CR1: variants seen among roughly 807,000 people sequenced by gnomAD.
CR1 encodes the protein complement C3b/C4b receptor 1 (Knops blood group), also known as complement receptor type 1.
Under a neutral mutation model 187.3 loss-of-function variants are expected in CR1, and 116 were observed. That is an observed-to-expected ratio of 0.62 (90% CI 0.53 to 0.72). CR1 has a LOEUF of 0.72. CR1 is among the 30% of genes least tolerant of loss of function. The pLI, the probability that CR1 is intolerant of heterozygous loss-of-function variation, is 0.00. For synonymous variants in CR1, 576 were observed against 747.1 expected, an observed-to-expected ratio of 0.77 and a Z score of 3.73; for missense variants, 1,731 against 2,110.7, an observed-to-expected ratio of 0.82 and a Z score of 3.52.
chr1:207,580,256 A>G lies in CR1; in HGVS notation c.4953A>G (p.Pro1651=). The change falls in exon 30 of 47, where the codon CCA becomes CCG. Residue 1651 remains proline, a synonymous_variant. Coordinates refer to ENST00000367049, the MANE Select transcript of CR1 (RefSeq NM_000651.6). ...PSCSRVCQPP[P]EILHGEHTPS... is the part of the protein sequence containing the mutation. ...TTTCCACAGTGTGTCAGCCGCCTCC[A>G]GAAATCCTGCATGGTGAGCATACCC... 1.9e-6 allele frequency: 3 copies of G among 1,613,820 alleles called. No individual in the cohort carries two copies. The highest frequency in any genetic ancestry group is 2.5e-6 in the Non-Finnish European group (3 of 1,179,788).
At chr1:207,602,060 A>T (rs1034810642) in intron 35 of CR1, among the ~76,000 whole-genome samples, 2 of 152,022 alleles carry the variant, frequency 1.3e-5, no homozygotes, top group Non-Finnish European at 2.9e-5. Flanking sequence ...CTTTATTCTA[A>T]TCATTAGAAT....
At chr1:207,576,602 T>G (rs556007638) in intron 28 of CR1, among the ~76,000 whole-genome samples, 99 of 152,254 alleles carry the variant, frequency 6.5e-4, no homozygotes, top group African/African-American at 2.2e-3. Context: ...CAGATGGCTT[T>G]AGCCCAGGAG....
At chr1:207,638,430 A>G (rs922498691) in intron 46 of CR1, among the ~76,000 whole-genome samples, 10 of 146,328 alleles carry the variant, frequency 6.8e-5, no homozygotes, top group South Asian at 4.3e-4. Flanking sequence ...GCCCTGTAAC[A>G]GCCTTTAGTT....
rs757875786 is a variant in CR1, at chr1:207,506,711, T to G, written c.302-3T>G. The G allele has an allele frequency of 6.2e-7, 1 of 1,613,052 alleles. No individual in the cohort carries two copies. Among genetic ancestry groups the G allele is most frequent in the East Asian group, 2.2e-5 (1 of 44,892 alleles). ...GCTCCAAAATTCTGTTTCTTTCCTG[T>G]AGGTAAATCATGTCGTAATCCTCCA... On this transcript the variant is annotated splice_region_variant and splice_polypyrimidine_tract_variant and intron_variant, in intron 2 of 46. Coordinates refer to ENST00000367049, the MANE Select transcript of CR1 (RefSeq NM_000651.6).
intron 29 of CR1, among the ~76,000 whole-genome samples, chr1:207,579,663 A>G (rs913169664): frequency 6.6e-6 from 1 of 152,096 alleles, no homozygotes; most frequent in Admixed American, 6.5e-5. Flanking sequence ...TTTACATGTA[A>G]CTGAAATGGG....
At chr1:207,637,081 G>C (rs1662838189) in intron 46 of CR1, among the ~76,000 whole-genome samples, 1 of 152,198 alleles carries the variant, frequency 6.6e-6, no homozygotes, top group Admixed American at 6.5e-5. Flanking sequence ...TTCTAATGCA[G>C]TATGAGGCCA....
At chr1:207,593,082 T>TAAAAAAA (rs778842599) in intron 35 of CR1, among the ~76,000 whole-genome samples, 13 of 59,908 alleles carry the variant, frequency 2.2e-4, no homozygotes, top group African/African-American at 1.6e-3. Flanking sequence ...TTCACAGAAT[T>TAAAAAAA]ACAAAAAAAA....
rs1660816717 is a variant in CR1 at position 207,578,059 on chromosome 1, T to C, written c.4792T>C (p.Leu1598=). The C allele has an allele frequency of 6.2e-7, 1 of 1,611,668 alleles. No homozygotes were observed. Among genetic ancestry groups the C allele is most frequent in the Non-Finnish European group, 8.5e-7 (1 of 1,179,570 alleles). ...GCCTCCAAATGTGGAAAATGGAATA[T>C]TGGTATCTGACAACAGAAGCTTATT... The part of the protein sequence containing the change: ...CTPPNVENGI[L]VSDNRSLFSL... The change falls in exon 29 of 47, where the codon TTG becomes CTG. Residue 1598 remains leucine (L), a synonymous_variant. Transcript: ENST00000367049.
rs1217503383 is a variant in CR1 at position 207,584,862 on chromosome 1, T to C, written c.5516T>C (p.Leu1839Pro). The C allele has an allele frequency of 6.2e-7, 1 of 1,613,872 alleles. No homozygotes were observed. Among genetic ancestry groups the C allele is most frequent in the Non-Finnish European group, 8.5e-7 (1 of 1,179,878 alleles). Residue 1839 changes from leucine (L) to proline (P), a missense_variant, in exon 33 of 47, where the codon CTT (leucine) becomes CCT (proline). Around this residue, in one of 5 missense-constraint regions of CR1, gnomAD observed 1,312 missense variants for 1,379.6 expected, o/e 0.95. Transcript: ENST00000367049. ...AGCAGCCCTGCCCCTCGCTGTGAAC[T>C]TTCTGTTCGTGCTGGTCAGTATCCA... ...VWSSPAPRCELSVRAGHCKTP... is the reference protein window; with the variant it reads ...VWSSPAPRCEPSVRAGHCKTP...
At chr1:207,511,398 G>A (rs1489362831) in intron 3 of CR1, among the ~76,000 whole-genome samples, 171 bp from the exon 4 acceptor site, 1 of 152,172 alleles carries the variant, frequency 6.6e-6, no homozygotes, top group Non-Finnish European at 1.5e-5. Context: ...GAAAAAGAAA[G>A]TCAAAAAGTC....
chr1:207,498,806 AGGC>A (rs1659169326), intron 1 of CR1, among the ~76,000 whole-genome samples: 1 of 131,928 alleles, frequency 7.6e-6, no homozygotes, highest in African/African-American at 2.8e-5. Context: ...TGAACCTGGG[AGGC>A]GGAGGTTGCA....
At chr1:207,603,125 C>T (rs1452741970) in intron 35 of CR1, among the ~76,000 whole-genome samples, 1 of 151,810 alleles carries the variant, frequency 6.6e-6, no homozygotes, top group African/African-American at 2.4e-5. Flanking sequence ...GACAAGATGT[C>T]TGTAAATGTC....
chr1:207,609,103 A>G (rs1333634217), intron 36 of CR1, among the ~76,000 whole-genome samples, 187 bp from the exon 37 acceptor site: 1 of 152,216 alleles, frequency 6.6e-6, no homozygotes, highest in Non-Finnish European at 1.5e-5. Context: ...AGCAGAACCC[A>G]TATCATACAC....
rs774811112 is a variant in CR1, at chr1:207,639,824, T to G, written c.*415T>G. On this transcript the variant is annotated 3_prime_UTR_variant, in exon 47 of 47. Coordinates refer to ENST00000367049, the MANE Select transcript of CR1 (RefSeq NM_000651.6). ...GGAAAATGCAGAAAGTTATGAAAAA[T>G]AAGTCACTTATAATTATGCTACCTA... is the stretch of plus-strand genomic sequence containing the variant. 5.1e-5 allele frequency: 8 copies of G among 157,064 alleles called. No homozygotes were observed. The highest frequency in any genetic ancestry group is 9.8e-5 in the Non-Finnish European group (7 of 71,294). 9.7% of individuals were successfully genotyped at this position (157,064 alleles called of 1,614,324 possible). A position where few individuals can be genotyped will look rare whatever the true frequency, so the allele number is the denominator to read the frequency against.
rs557461784 is a variant in CR1, at chr1:207,601,273, A to T, written c.5811-5978A>T. On this transcript the variant is annotated intron_variant, in intron 35 of 46. Transcript: ENST00000367049. ...TTGAAGAGATTTAATACTTGATAAA[A>T]ATATTATATCTTCTCTATTCTAATA... Among the ~76,000 whole-genome samples, 11 of 152,278 alleles carry T rather than the reference A, an allele frequency of 7.2e-5. 1 individual carries two copies. Among genetic ancestry groups the T allele is most frequent in the African/African-American group, 2.6e-4 (11 of 41,574 alleles).
chr1:207,618,984 G>A (rs1419428619), intron 42 of CR1, among the ~76,000 whole-genome samples: 1 of 145,224 alleles, frequency 6.9e-6, no homozygotes, highest in Non-Finnish European at 1.5e-5. Flanking sequence ...GTTGCAGTGA[G>A]CTGAGATCAC....
At chr1:207,500,271 T>C (rs1241697596) in intron 1 of CR1, among the ~76,000 whole-genome samples, 1 of 152,222 alleles carries the variant, frequency 6.6e-6, no homozygotes, top group Non-Finnish European at 1.5e-5. Flanking sequence ...TATTGAGGCA[T>C]ATAATTTATG....
intron 44 of CR1, among the ~76,000 whole-genome samples, chr1:207,622,547 TG>T (rs1295348329): frequency 3.9e-5 from 6 of 152,218 alleles, no homozygotes; most frequent in Non-Finnish European, 4.4e-5. Context: ...GACCACAGAA[TG>T]GGGTAGCCTG....
chr1:207,564,595 G>T (rs1660431287), intron 23 of CR1, among the ~76,000 whole-genome samples: 1 of 150,178 alleles, frequency 6.7e-6, no homozygotes, highest in South Asian at 2.1e-4. Flanking sequence ...GAGGTCAGGA[G>T]TTGGAGACCA....
Sources: gnomAD v4.1 joint callset for allele counts (sites outside exome capture counted in the v4.1 genomes callset) on GRCh38, gnomAD v4.1.1 for gene constraint, gnomAD v4.1.1 regional missense constraint, MANE v1.5 for transcripts, NCBI Gene and HGNC (gene_info 2026-07-23, HGNC 2026-07-21) for gene names.